IL1RAPL1: variants seen among roughly 807,000 people sequenced by gnomAD.
IL1RAPL1 encodes the protein interleukin 1 receptor accessory protein like 1, also known as interleukin-1 receptor accessory protein-like 1.
IL1RAPL1 carries 3 observed loss-of-function variants against 48.4 expected under a neutral mutation model. The ratio of observed to expected loss-of-function variants is 0.06; its 90% CI spans 0.03 to 0.16. The LOEUF (loss-of-function observed/expected upper bound fraction) is 0.16, where lower values mean the gene tolerates loss of function less well. Among genes scored for constraint, IL1RAPL1 ranks in the 10% least tolerant of loss-of-function variants. The pLI is 1.00. For synonymous variants in IL1RAPL1, 185 were observed against 187.7 expected, an observed-to-expected ratio of 0.99 and a Z score of 0.12; for missense variants, 349 against 530.6, an observed-to-expected ratio of 0.66 and a Z score of 3.36.
intron 2 of IL1RAPL1, among the ~76,000 whole-genome samples, chrX:29,036,687 C>T (rs970171320): frequency 9.0e-6 from 1 of 110,960 alleles, no homozygotes; most frequent in African/African-American, 3.3e-5. Context: ...GTTTTCTTAC[C>T]TGCAAAAACC....
intron 6 of IL1RAPL1, among the ~76,000 whole-genome samples, chrX:29,782,150 C>G (rs867738204): frequency 9.6e-6 from 1 of 104,250 alleles, no homozygotes; most frequent in East Asian, 3.0e-4. Context: ...ATCTATGTAC[C>G]TACCTACCTA....
chrX:29,154,866 G>A (rs917314599), intron 2 of IL1RAPL1, among the ~76,000 whole-genome samples: 46 of 111,408 alleles, frequency 4.1e-4, no homozygotes, highest in African/African-American at 1.5e-3. Flanking sequence ...ATACAAAGAT[G>A]CATTTAATAT....
chrX:29,000,100 C>T (rs1277223232), intron 2 of IL1RAPL1, among the ~76,000 whole-genome samples: 1 of 111,153 alleles, frequency 9.0e-6, no homozygotes, highest in African/African-American at 3.3e-5. Context: ...ATCCTGAAAA[C>T]CTTGCCTTTA....
intron 2 of IL1RAPL1, among the ~76,000 whole-genome samples, chrX:29,207,992 T>C (rs1296144197): frequency 9.0e-6 from 1 of 111,720 alleles, no homozygotes; most frequent in Non-Finnish European, 1.9e-5. Context: ...TTTGTTCCCT[T>C]TGGAAATATG....
At chrX:28,757,702 A>G (rs1429187705) in intron 1 of IL1RAPL1, among the ~76,000 whole-genome samples, 1 of 111,799 alleles carries the variant, frequency 8.9e-6, no homozygotes, top group East Asian at 2.8e-4. Context: ...AGAGGCTCCT[A>G]TTTCCAATTT....
intron 2 of IL1RAPL1, among the ~76,000 whole-genome samples, chrX:29,020,801 T>C (rs988171279): frequency 1.8e-5 from 2 of 112,111 alleles, no homozygotes; most frequent in Non-Finnish European, 3.8e-5. Context: ...AAGTCATTCT[T>C]CTCCTAAATA....
chrX:28,770,162 G>A (rs1936294001), intron 1 of IL1RAPL1, among the ~76,000 whole-genome samples: 1 of 112,177 alleles, frequency 8.9e-6, no homozygotes, highest in Admixed American at 9.5e-5. Context: ...CTAACAGAGT[G>A]AAAATGTTTA....
At chrX:29,367,181 A>T (rs915142635) in intron 3 of IL1RAPL1, among the ~76,000 whole-genome samples, 2 of 111,616 alleles carry the variant, frequency 1.8e-5, no homozygotes. Context: ...TGTTTGTTTA[A>T]TCAGTTCATC....
rs1345893596 is a variant in IL1RAPL1, at chrX:29,333,807, C to A, written c.362+50590C>A. ...ACAGGGCGGCTGGCCGACCCCCCCC[C>A]CCGCCTCCCTCCCGGACGGGGCGGC... On this transcript the variant is annotated intron_variant, in intron 3 of 10. Transcript: ENST00000378993. Among the ~76,000 whole-genome samples, 226 of 74,456 alleles carry A rather than the reference C, an allele frequency of 3.0e-3. 8 individuals are homozygous for A. Among genetic ancestry groups the A allele is most frequent in the Non-Finnish European group, 5.2e-3 (183 of 35,414 alleles). 64.7% of individuals were successfully genotyped at this position (74,456 alleles called of 115,157 possible). A position where few individuals can be genotyped will look rare whatever the true frequency, so the allele number is the denominator to read the frequency against.
chrX:29,284,380 GT>G (rs777303092), intron 3 of IL1RAPL1, among the ~76,000 whole-genome samples: 2 of 112,486 alleles, frequency 1.8e-5, no homozygotes, highest in Non-Finnish European at 3.7e-5. Context: ...TAGAGTTAAT[GT>G]TGGAAAATAT....
chrX:29,161,490 C>T (rs978177115), intron 2 of IL1RAPL1, among the ~76,000 whole-genome samples: 2 of 111,797 alleles, frequency 1.8e-5, no homozygotes, highest in East Asian at 2.8e-4. Flanking sequence ...AATAACGAAC[C>T]CACTTGAACT....
intron 6 of IL1RAPL1, among the ~76,000 whole-genome samples, chrX:29,820,622 G>A (rs1410623744): frequency 8.9e-6 from 1 of 111,926 alleles, no homozygotes; most frequent in Non-Finnish European, 1.9e-5. Flanking sequence ...GAAGGATTCT[G>A]AGCTCCAAAC....
At chrX:29,478,013 C>A (rs1934996943) in intron 5 of IL1RAPL1, among the ~76,000 whole-genome samples, 1 of 111,512 alleles carries the variant, frequency 9.0e-6, no homozygotes, top group Admixed American at 9.5e-5. Flanking sequence ...TAAAGATATG[C>A]AAATTAAAAC....
chrX:29,836,698 T>C (rs1054601224), intron 6 of IL1RAPL1, among the ~76,000 whole-genome samples: 1 of 111,672 alleles, frequency 9.0e-6, no homozygotes, highest in African/African-American at 3.3e-5. Flanking sequence ...ATATAATGAT[T>C]TTGTCAGCAC....
intron 6 of IL1RAPL1, among the ~76,000 whole-genome samples, chrX:29,679,316 G>A (rs1601775490): frequency 2.7e-5 from 3 of 111,351 alleles, no homozygotes; most frequent in South Asian, 3.8e-4. Context: ...TAATGTTTCC[G>A]ATGAACCTGT....
chrX:28,854,376 A>G lies in IL1RAPL1; in HGVS notation c.82+64951A>G, dbSNP rs187789076. Among the ~76,000 whole-genome samples the G allele has an allele frequency of 6.7e-4, 75 of 111,500 alleles. 1 individual carries two copies. Among genetic ancestry groups the G allele is most frequent in the Non-Finnish European group, 2.8e-4 (15 of 53,106 alleles). ...CAGGATGAAGGAGAGAAAGGAATCT[A>G]AGATACCCCTAGGTTTTTTGGTTTA... On this transcript the variant is annotated intron_variant, in intron 2 of 10. Transcript: ENST00000378993.
chrX:29,911,323 G>A (rs980624775), intron 6 of IL1RAPL1, among the ~76,000 whole-genome samples: 6 of 111,514 alleles, frequency 5.4e-5, no homozygotes, highest in African/African-American at 2.0e-4. Flanking sequence ...AGTTGCTAGG[G>A]GCTAAAATGG....
chrX:29,283,668 G>A (rs564100806), intron 3 of IL1RAPL1, among the ~76,000 whole-genome samples: 1 of 112,073 alleles, frequency 8.9e-6, no homozygotes, highest in African/African-American at 3.2e-5. Flanking sequence ...ACAGGGAGAG[G>A]AAGAGAGAAT....
intron 5 of IL1RAPL1, among the ~76,000 whole-genome samples, chrX:29,481,725 A>G (rs1014668811): frequency 2.7e-5 from 3 of 112,208 alleles, no homozygotes; most frequent in African/African-American, 9.7e-5. Context: ...CCACCACTTA[A>G]GAAGTGCAAC....
Sources: allele counts gnomAD v4.1 joint callset (sites outside exome capture counted in the v4.1 genomes callset), GRCh38; gene constraint gnomAD v4.1.1; transcripts MANE v1.5; gene names NCBI Gene and HGNC (gene_info 2026-07-23, HGNC 2026-07-21).